Variants in SORCS1 observed in about 807,000 individuals in gnomAD.
SORCS1 encodes VPS10 domain-containing receptor SorCS1.
A neutral mutation model predicts 146.1 loss-of-function variants in SORCS1; 60 were observed. The ratio of observed to expected loss-of-function variants is 0.41; its 90% CI spans 0.33 to 0.51. The LOEUF (loss-of-function observed/expected upper bound fraction) is 0.51. Among genes scored for constraint, SORCS1 ranks in the 20% least tolerant of loss-of-function variants. The pLI, the probability that SORCS1 is intolerant of heterozygous loss-of-function variation, is 0.21. For missense variants in SORCS1, 1,352 were observed against 1,487.6 expected (o/e 0.91, Z 1.50); for synonymous variants, 637 against 584.0 (o/e 1.09, Z -1.31).
chr10:106,913,448 C>T (rs772437887), intron 2 of SORCS1, among the ~76,000 whole-genome samples: 2 of 152,094 alleles, frequency 1.3e-5, no homozygotes, highest in African/African-American at 2.4e-5. Context: ...CATGTGGAGG[C>T]GATAGTATTT....
chr10:106,632,958 G>C (rs778054364), intron 18 of SORCS1, among the ~76,000 whole-genome samples: 2 of 152,078 alleles, frequency 1.3e-5, no homozygotes, highest in African/African-American at 2.4e-5. Flanking sequence ...GGGGAACAGA[G>C]GGAACAGATG....
intron 1 of SORCS1, among the ~76,000 whole-genome samples, chr10:107,062,211 G>A (rs1310573234): frequency 6.6e-6 from 1 of 152,012 alleles, no homozygotes; most frequent in Non-Finnish European, 1.5e-5. Context: ...TTATTTATAA[G>A]GAGAATTGAC....
At chr10:106,794,260 C>T (rs1244182815) in intron 3 of SORCS1, among the ~76,000 whole-genome samples, 1 of 152,140 alleles carries the variant, frequency 6.6e-6, no homozygotes, top group Non-Finnish European at 1.5e-5. Flanking sequence ...TTCCAGGTTA[C>T]CACCACCCAC....
At chr10:106,679,535 A>C (rs2135553432) in intron 11 of SORCS1, 97 bp downstream of exon 11, 2 of 1,149,246 alleles carry the variant, frequency 1.7e-6, no homozygotes, top group East Asian at 5.1e-5. Context: ...CCAAGTACAG[A>C]TATCTAGCTT....
intron 2 of SORCS1, among the ~76,000 whole-genome samples, chr10:106,943,680 G>A (rs549373801): frequency 1.3e-5 from 2 of 151,960 alleles, no homozygotes; most frequent in South Asian, 4.2e-4. Flanking sequence ...CATGGTGGCA[G>A]GTGCCTGTAG....
At chr10:106,578,640 G>A in intron 25 of SORCS1, 1 of 994,902 alleles carries the variant, frequency 1.0e-6, no homozygotes. Flanking sequence ...TGGTGTTCCA[G>A]AGCAGTTTGC....
At chr10:106,924,131 G>C (rs998293679) in intron 2 of SORCS1, among the ~76,000 whole-genome samples, 4 of 152,056 alleles carry the variant, frequency 2.6e-5, no homozygotes, top group Admixed American at 1.3e-4. Context: ...GCACATGCCT[G>C]TAATCCCAGC....
intron 2 of SORCS1, among the ~76,000 whole-genome samples, chr10:106,930,953 C>T (rs1392369358): frequency 6.6e-6 from 1 of 152,184 alleles, no homozygotes; most frequent in Non-Finnish European, 1.5e-5. Flanking sequence ...TAAGATACAA[C>T]TGTGGTGGAA....
intron 20 of SORCS1, chr10:106,620,122 A>G: frequency 4.8e-6 from 1 of 207,224 alleles, no homozygotes; most frequent in Non-Finnish European, 9.6e-6. Flanking sequence ...TAGAACTTTC[A>G]GGAAATAGAG....
rs183245051 is a variant in SORCS1 at position 106,704,410 on chromosome 10, G to A, written c.1233+2135C>T. Among the ~76,000 whole-genome samples, 215 of 152,068 alleles carry A rather than the reference G, an allele frequency of 1.4e-3. 2 individuals carry two copies. Among genetic ancestry groups the A allele is most frequent in the Middle Eastern group, 3.4e-3 (1 of 294 alleles). On this transcript the variant is annotated intron_variant, in intron 8 of 25. Transcript: ENST00000263054. ...TATGTCACTTAACGAGTTTATTACC[G>A]GCCAGGCTCAGTGGCTCACACCTGT...
intron 2 of SORCS1, among the ~76,000 whole-genome samples, chr10:106,908,588 G>A (rs1348327381): frequency 6.6e-6 from 1 of 152,180 alleles, no homozygotes; most frequent in African/African-American, 2.4e-5. Context: ...CTGCTCGGGG[G>A]AATGTGTCCC....
intron 1 of SORCS1, among the ~76,000 whole-genome samples, chr10:107,037,072 C>T (rs1157132971): frequency 1.3e-5 from 2 of 151,706 alleles, no homozygotes; most frequent in African/African-American, 4.8e-5. Flanking sequence ...ATGGTGAAAC[C>T]CCTGCTCTAT....
intron 2 of SORCS1, among the ~76,000 whole-genome samples, chr10:106,873,848 G>A (rs11193085): frequency 0.085 from 12,867 of 152,146 alleles, 1,592 homozygotes; most frequent in African/African-American, 0.27. Context: ...CAAGAAAAGC[G>A]ATCAGGGGTC....
intron 2 of SORCS1, among the ~76,000 whole-genome samples, chr10:106,916,676 A>G (rs1952449285): frequency 6.6e-6 from 1 of 150,694 alleles, no homozygotes; most frequent in Non-Finnish European, 1.5e-5. Flanking sequence ...AAATATATAT[A>G]TATTTCCATT....
intron 1 of SORCS1, among the ~76,000 whole-genome samples, chr10:107,154,229 C>T (rs1042133421): frequency 8.6e-5 from 13 of 151,846 alleles, no homozygotes; most frequent in African/African-American, 2.7e-4. Context: ...CTTCAAACTC[C>T]TGACCTCAAG....
At chr10:106,668,569 C>A (rs556225095) in intron 16 of SORCS1, among the ~76,000 whole-genome samples, 1 of 152,232 alleles carries the variant, frequency 6.6e-6, no homozygotes, top group East Asian at 1.9e-4. Context: ...CATGCACAGA[C>A]AAATTGCAGG....
intron 17 of SORCS1, 59 bp from the exon 18 acceptor site, chr10:106,652,612 T>A (rs74382777): frequency 0.017 from 26,294 of 1,579,674 alleles, 278 homozygotes; most frequent in Non-Finnish European, 0.02. Flanking sequence ...TCATTCCCAC[T>A]TTTTAAAATT....
chr10:106,871,323 C>T (rs905872196), intron 2 of SORCS1, among the ~76,000 whole-genome samples: 2 of 152,124 alleles, frequency 1.3e-5, no homozygotes, highest in African/African-American at 2.4e-5. Flanking sequence ...ACAGAACTAG[C>T]ATTTCCCTCA....
At chr10:106,985,742 G>C (rs1956442336) in intron 1 of SORCS1, among the ~76,000 whole-genome samples, 1 of 151,784 alleles carries the variant, frequency 6.6e-6, no homozygotes, top group Non-Finnish European at 1.5e-5. Flanking sequence ...TCACCATGTT[G>C]GCCAGGATGG....
Sources: gnomAD v4.1 joint callset for allele counts (sites outside exome capture counted in the v4.1 genomes callset) on GRCh38, gnomAD v4.1.1 for gene constraint, MANE v1.5 for transcripts, NCBI Gene and HGNC (gene_info 2026-07-23, HGNC 2026-07-21) for gene names.